Variants in FRMD7 observed in about 807,000 individuals in gnomAD.
The protein encoded by FRMD7 is FERM domain-containing protein 7.
FRMD7 carries 14 observed loss-of-function variants against 44.1 expected under a neutral mutation model. The ratio of observed to expected loss-of-function variants is 0.32; its 90% CI spans 0.21 to 0.50. The LOEUF (loss-of-function observed/expected upper bound fraction) is 0.50, where lower values mean the gene tolerates loss of function less well. Among genes scored for constraint, FRMD7 ranks in the 20% least tolerant of loss-of-function variants. FRMD7 has a pLI of 0.99. For missense variants in FRMD7, 501 were observed against 522.3 expected (o/e 0.96, Z 0.40); for synonymous variants, 212 against 187.4 (o/e 1.13, Z -1.07).
In FRMD7 at chrX:132,078,997, G is replaced by A. The variant is rs201656639; in HGVS notation, c.1051-31C>T. 3.9e-4 allele frequency: 453 copies of A among 1,166,923 alleles called. 2 individuals are homozygous for A. Among genetic ancestry groups the A allele is most frequent in the East Asian group, 1.3e-3 (44 of 33,605 alleles). ...GAGAATGGACACATTGGTGAAAGAA[G>A]GAAAAGGCCATTTGGTTAGGGCTGG... On this transcript the variant is annotated intron_variant, in intron 11 of 11. Coordinates refer to ENST00000298542, the MANE Select transcript of FRMD7 (RefSeq NM_194277.3).
chrX:132,109,246 C>G (rs1401395206), intron 1 of FRMD7, among the ~76,000 whole-genome samples: 1 of 111,800 alleles, frequency 8.9e-6, no homozygotes, highest in Non-Finnish European at 1.9e-5. Context: ...CCATAACAGC[C>G]ATACACAAAA....
intron 4 of FRMD7, among the ~76,000 whole-genome samples, chrX:132,094,744 C>G (rs1236192240): frequency 8.9e-6 from 1 of 111,906 alleles, no homozygotes; most frequent in Non-Finnish European, 1.9e-5. Flanking sequence ...TGGGGCCCTG[C>G]TTCTGCCTGT....
chrX:132,094,705 A>T (rs1928278069), intron 4 of FRMD7, among the ~76,000 whole-genome samples: 1 of 112,058 alleles, frequency 8.9e-6, no homozygotes, highest in African/African-American at 3.2e-5. Context: ...CCTCCTATCC[A>T]AAAGACTGTG....
intron 5 of FRMD7, among the ~76,000 whole-genome samples, chrX:132,090,952 G>A (rs1928151301): frequency 9.0e-6 from 1 of 110,967 alleles, no homozygotes; most frequent in Non-Finnish European, 1.9e-5. Flanking sequence ...CACCTTCACT[G>A]TTACCACGCT....
intron 11 of FRMD7, 61 bp downstream of exon 11, chrX:132,079,945 G>T: frequency 2.6e-6 from 2 of 769,878 alleles, no homozygotes; most frequent in Non-Finnish European, 2.0e-6. Flanking sequence ...ATTCATGGAA[G>T]CATTTGAAAT....
rs780110890 is a variant in FRMD7 at position 132,100,977 on chromosome X, A to C, written c.58-261T>G. Among the ~76,000 whole-genome samples the C allele has an allele frequency of 5.4e-5, 6 of 112,109 alleles. No individual in the cohort carries two copies. In the East Asian group the frequency reaches 1.7e-3, roughly 32 times the overall value. ...GAAATACTTGCACTTAACTATGGCT[A>C]CATCTGCAAATTTACCCTTTCAATG... is the stretch of plus-strand genomic sequence containing the variant. On this transcript the variant is annotated intron_variant, in intron 1 of 11. Coordinates refer to ENST00000298542, the MANE Select transcript of FRMD7 (RefSeq NM_194277.3).
In FRMD7 at chrX:132,082,426, G is replaced by C; in HGVS notation, c.842C>G (p.Ser281Trp). The change falls in exon 9 of 12, where the codon TCG becomes TGG. Residue 281 changes from serine (S) to tryptophan (W), a missense_variant. This residue lies in a region of FRMD7 where 453 missense variants were observed against 452.7 expected (regional missense o/e 1.00). Coordinates refer to ENST00000298542, the MANE Select transcript of FRMD7 (RefSeq NM_194277.3). The part of the protein sequence containing the change: ...CVEYHAFFRL[S>W]EEPKSKPKTL... The stretch of plus-strand genomic sequence containing the variant: ...TTTGGGCTTTGATTTGGGCTCTTCC[G>C]AAAGCCTGAAGAAAGCATGGTATTC... 3 of 1,209,983 alleles carry C rather than the reference G, an allele frequency of 2.5e-6. No individual in the cohort carries two copies. Among genetic ancestry groups the C allele is most frequent in the South Asian group, 3.5e-5 (2 of 56,951 alleles).
At chrX:132,101,903 A>G (rs918993907) in intron 1 of FRMD7, among the ~76,000 whole-genome samples, 2 of 111,588 alleles carry the variant, frequency 1.8e-5, no homozygotes, top group African/African-American at 6.5e-5. Flanking sequence ...TTGCTGTTGC[A>G]GGGAGGACCG....
rs1927652131 is a variant in FRMD7 at position 132,077,813 on chromosome X, A to G, written c.*59T>C. ...AGAAAATGGTTTCTACAACTTCATT[A>G]TTTTCTGCCTAAGTCGGTAACATGG... is the stretch of plus-strand genomic sequence containing the variant. On this transcript the variant is annotated 3_prime_UTR_variant, in exon 12 of 12. Transcript: ENST00000298542. 2 of 1,206,190 alleles carry G rather than the reference A, an allele frequency of 1.7e-6. No homozygotes were observed. The highest frequency in any genetic ancestry group is 2.2e-6 in the Non-Finnish European group (2 of 892,604).
intron 4 of FRMD7, 118 bp from the exon 5 acceptor site, chrX:132,094,257 G>T: frequency 1.9e-6 from 1 of 523,369 alleles, no homozygotes; most frequent in Non-Finnish European, 3.4e-6. Flanking sequence ...TCAGTCAGAT[G>T]CCTTTTTGGG....
rs1295286825 is a variant in FRMD7 at position 132,085,664 on chromosome X, C to T, written c.562G>A (p.Gly188Ser). 3 of 1,208,367 alleles carry T rather than the reference C, an allele frequency of 2.5e-6. No individual in the cohort carries two copies. In the Admixed American group the frequency reaches 6.5e-5, roughly 26 times the overall value. Reference protein sequence around the residue: ...LDIARKLDMYGIRPHPASDGE... With the variant: ...LDIARKLDMYSIRPHPASDGE... ...TCACTGGCGGGGTGAGGCCTGATGC[C>T]ATACATATCCAGCTTCCTTGCTATG... is the stretch of plus-strand genomic sequence containing the variant. The change falls in exon 7 of 12, where the codon GGC becomes AGC. Residue 188 changes from glycine to serine, a missense_variant. Gly to Ser is a moderately conservative substitution (Grantham distance 56, BLOSUM62 0). Transcript: ENST00000298542.
Position 132,078,698 on chromosome X carries a change from C to T in FRMD7, c.1319G>A (p.Arg440Lys), listed in dbSNP as rs748910947. 8.3e-7 allele frequency: 1 copy of T among 1,211,175 alleles called. No homozygotes were observed. Among genetic ancestry groups the T allele is most frequent in the Non-Finnish European group, 1.1e-6 (1 of 895,000 alleles). Residue 440 changes from arginine to lysine, a missense_variant, in exon 12 of 12, where the codon AGG becomes AAG. By Grantham distance (26) the Arg-to-Lys change is conservative (BLOSUM62 2). Around this residue, in one of 3 missense-constraint regions of FRMD7, gnomAD observed 453 missense variants for 452.7 expected, o/e 1.00. Transcript: ENST00000298542. ...TGTTTGGAAGGAGCTTAGAGAACTC[C>T]TCTCTGAAAAAATGTCTCTGGGATC... ...NPDPRDIFSE[R>K]SSLSSFQTSC...
chrX:132,085,514 C>A, intron 7 of FRMD7, 67 bp downstream of exon 7: 2 of 1,074,892 alleles, frequency 1.9e-6, no homozygotes, highest in East Asian at 3.0e-5. Flanking sequence ...GGAAAGGACA[C>A]CCAAGTTTGA....
intron 5 of FRMD7, 56 bp from the exon 6 acceptor site, chrX:132,086,090 A>G: frequency 1.4e-6 from 1 of 698,902 alleles, no homozygotes; most frequent in Non-Finnish European, 2.3e-6. Flanking sequence ...TTAGCAATGG[A>G]GCATCCAGCA....
chrX:132,096,931 T>C (rs1355061996), intron 4 of FRMD7, among the ~76,000 whole-genome samples: 1 of 111,310 alleles, frequency 9.0e-6, no homozygotes, highest in African/African-American at 3.3e-5. Flanking sequence ...CGGCTGGTAT[T>C]ATACCCGTGC....
At chrX:132,108,808 T>C (rs776082169) in intron 1 of FRMD7, among the ~76,000 whole-genome samples, 1 of 111,156 alleles carries the variant, frequency 9.0e-6, no homozygotes, top group South Asian at 3.9e-4. Context: ...TCTCACAAGA[T>C]CTGATGGTTT....
intron 4 of FRMD7, 35 bp from the exon 5 acceptor site, chrX:132,094,174 A>C (rs1300120237): frequency 1.5e-5 from 12 of 816,326 alleles, no homozygotes; most frequent in Non-Finnish European, 2.0e-5. Context: ...CTTGAGAAAG[A>C]AACAGAAATA....
Position 132,086,022 on chromosome X carries a change from T to C in FRMD7, c.395A>G (p.Asp132Gly). The change falls in exon 6 of 12, where the codon GAC (aspartate) becomes GGC (glycine). Residue 132 changes from aspartate to glycine, a missense_variant. Around this residue, in one of 3 missense-constraint regions of FRMD7, gnomAD observed 453 missense variants for 452.7 expected, o/e 1.00. Transcript: ENST00000298542. Reference protein sequence around the residue: ...VSHILQSELGDFHEETDRKHL... With the variant: ...VSHILQSELGGFHEETDRKHL... ...CTTCCTATCTGTTTCTTCATGAAAG[T>C]CTCCAAGTTCTGCTGCATGACAGGA... is the stretch of plus-strand genomic sequence containing the variant. The C allele has an allele frequency of 8.6e-7, 1 of 1,165,892 alleles. No homozygotes were observed. The highest frequency in any genetic ancestry group is 1.2e-6 in the Non-Finnish European group (1 of 853,773).
At position 132,078,625 on chromosome X, in the gene FRMD7, T is replaced by C; in HGVS notation, c.1392A>G (p.Thr464=). The C allele has an allele frequency of 5.8e-6, 7 of 1,211,153 alleles. No homozygotes were observed. Among genetic ancestry groups the C allele is most frequent in the Non-Finnish European group, 7.8e-6 (7 of 894,884 alleles). ...GNHMSIYSGL[T]SKVRPAKQLT... ...GCTGCTTTGCTGGACGCACTTTGCTTGTGAGGCCAGAATATATGCTCATGT... is the reference window on the plus strand; with the variant it reads ...GCTGCTTTGCTGGACGCACTTTGCTCGTGAGGCCAGAATATATGCTCATGT... Residue 464 remains threonine (T), a synonymous_variant, in exon 12 of 12, where the codon ACA becomes ACG. Transcript: ENST00000298542.
Sources: gnomAD v4.1 joint callset for allele counts (sites outside exome capture counted in the v4.1 genomes callset) on GRCh38, gnomAD v4.1.1 for gene constraint, gnomAD v4.1.1 regional missense constraint, MANE v1.5 for transcripts, NCBI Gene and HGNC (gene_info 2026-07-23, HGNC 2026-07-21) for gene names.